Variants in SLCO6A1 observed in about 807,000 individuals in gnomAD.
The protein encoded by SLCO6A1 is solute carrier organic anion transporter family member 6A1.
A neutral mutation model predicts 72.7 loss-of-function variants in SLCO6A1; 65 were observed. That is an observed-to-expected ratio of 0.89 (90% CI 0.73 to 1.10). The LOEUF (loss-of-function observed/expected upper bound fraction) is 1.10. Ranked by LOEUF, SLCO6A1 falls within the 50% of genes least tolerant of loss-of-function variation. The pLI is 0.00. For synonymous variants in SLCO6A1, 314 were observed against 298.2 expected, an observed-to-expected ratio of 1.05 and a Z score of -0.55; for missense variants, 874 against 872.6, an observed-to-expected ratio of 1.00 and a Z score of -0.02.
chr5:102,443,035 A>C (rs1749927908), intron 6 of SLCO6A1, among the ~76,000 whole-genome samples: 1 of 152,170 alleles, frequency 6.6e-6, no homozygotes, highest in Non-Finnish European at 1.5e-5. Context: ...ATCTCTACTA[A>C]AAACACAAAA....
Position 102,475,706 on chromosome 5 carries a change from G to A in SLCO6A1, c.890C>T (p.Ser297Phe). Residue 297 changes from serine to phenylalanine, a missense_variant, in exon 4 of 14, where the codon TCT becomes TTT. Physicochemically the swap from Ser to Phe is radical, Grantham distance 155. Transcript: ENST00000506729. ...PLVKVPENTT[S>F]ATNTTVNNGS... is the part of the protein sequence containing the mutation. ...AAAAATAATGCCTTACTTTGTTGCA[G>A]AAGTAGTATTCTCAGGGACTTTAAC... The A allele has an allele frequency of 1.3e-6, 2 of 1,593,810 alleles. No homozygotes were observed. The highest frequency in any genetic ancestry group is 1.7e-6 in the Non-Finnish European group (2 of 1,170,350).
chr5:102,419,738 A>G (rs1015700081), intron 8 of SLCO6A1, 88 bp downstream of exon 8: 28 of 1,019,572 alleles, frequency 2.7e-5, no homozygotes, highest in Non-Finnish European at 3.6e-5. Flanking sequence ...TGAACATATA[A>G]GGGTTACTGG....
intron 6 of SLCO6A1, among the ~76,000 whole-genome samples, chr5:102,456,960 C>T (rs1173884423): frequency 6.6e-6 from 1 of 152,108 alleles, no homozygotes; most frequent in Non-Finnish European, 1.5e-5. Flanking sequence ...TATCTACAAC[C>T]ATCTGATCTT....
intron 6 of SLCO6A1, among the ~76,000 whole-genome samples, chr5:102,440,123 T>C (rs895271612): frequency 1.3e-5 from 2 of 152,074 alleles, no homozygotes; most frequent in Non-Finnish European, 2.9e-5. Context: ...GCAGAGGATA[T>C]GTATGGGTAT....
At chr5:102,407,194 G>A (rs575284125) in intron 9 of SLCO6A1, among the ~76,000 whole-genome samples, 41 of 152,112 alleles carry the variant, frequency 2.7e-4, no homozygotes, top group East Asian at 5.8e-4. Context: ...TTGCCATGGC[G>A]ACAGTAGTAG....
intron 3 of SLCO6A1, 91 bp from the exon 4 acceptor site, chr5:102,475,884 A>T: frequency 2.3e-6 from 2 of 870,782 alleles, no homozygotes; most frequent in Non-Finnish European, 3.6e-6. Flanking sequence ...TACTTCTGAA[A>T]GCTTTTCATA....
intron 12 of SLCO6A1, among the ~76,000 whole-genome samples, chr5:102,382,981 G>A (rs529199823): frequency 7.0e-6 from 1 of 143,114 alleles, no homozygotes; most frequent in African/African-American, 2.7e-5. Flanking sequence ...ATATATGAGA[G>A]ATATATATAT....
At chr5:102,475,195 T>C (rs758074766) in intron 4 of SLCO6A1, among the ~76,000 whole-genome samples, 7 of 152,038 alleles carry the variant, frequency 4.6e-5, no homozygotes, top group Non-Finnish European at 8.8e-5. Flanking sequence ...TTAATGTCCA[T>C]TGAAAAATGA....
At chr5:102,428,308 C>T (rs888335600) in intron 7 of SLCO6A1, among the ~76,000 whole-genome samples, 5 of 151,582 alleles carry the variant, frequency 3.3e-5, no homozygotes, top group African/African-American at 9.7e-5. Flanking sequence ...ACAAGTAATA[C>T]CAGAAAAACA....
intron 6 of SLCO6A1, among the ~76,000 whole-genome samples, chr5:102,456,842 T>A (rs1750746778): frequency 6.6e-6 from 1 of 152,090 alleles, no homozygotes; most frequent in Non-Finnish European, 1.5e-5. Context: ...ACGCTACCTG[T>A]CTTCAAAATA....
At chr5:102,489,914 T>C (rs533329185) in intron 1 of SLCO6A1, among the ~76,000 whole-genome samples, 1 of 152,302 alleles carries the variant, frequency 6.6e-6, no homozygotes, top group East Asian at 1.9e-4. Flanking sequence ...TGTTCATCCA[T>C]AAAAAAGAAT....
chr5:102,493,751 T>C (rs2112869206), intron 1 of SLCO6A1, among the ~76,000 whole-genome samples: 1 of 152,080 alleles, frequency 6.6e-6, no homozygotes, highest in African/African-American at 2.4e-5. Context: ...TCCTAAGGAG[T>C]CTGCAAAAAA....
intron 8 of SLCO6A1, among the ~76,000 whole-genome samples, chr5:102,413,777 G>T (rs978607784): frequency 3.9e-5 from 6 of 152,208 alleles, no homozygotes; most frequent in African/African-American, 1.4e-4. Flanking sequence ...ACTTGGTATG[G>T]TCTCTTTTTA....
intron 11 of SLCO6A1, 101 bp downstream of exon 11, chr5:102,390,880 G>T: frequency 1.0e-6 from 1 of 1,000,258 alleles, no homozygotes; most frequent in South Asian, 1.7e-5. Flanking sequence ...CTCGCTTTGT[G>T]TCATTTACTA....
chr5:102,477,759 C>T lies in SLCO6A1; in HGVS notation c.719G>A (p.Gly240Glu). Reference sequence around the variant, plus strand: ...GATATAAAGAGGCATTCCTGCTATTCCCTGCACAGTCTGCCCAAGGATGAA... The same window carrying T: ...GATATAAAGAGGCATTCCTGCTATTTCCTGCACAGTCTGCCCAAGGATGAA... ...SFFILGQTVQGIAGMPLYILG... is the reference protein window; with the variant it reads ...SFFILGQTVQEIAGMPLYILG... Residue 240 changes from glycine (G) to glutamate (E), a missense_variant, in exon 3 of 14, where the codon GGA becomes GAA. By Grantham distance (98) the Gly-to-Glu change is moderately conservative. Transcript: ENST00000506729. 2 of 1,613,732 alleles carry T rather than the reference C, an allele frequency of 1.2e-6. No homozygotes were observed. The highest frequency in any genetic ancestry group is 2.2e-5 in the East Asian group (1 of 44,858).
rs112459569 is a variant in SLCO6A1 at position 102,375,409 on chromosome 5, A to T, written c.2018-1915T>A. 2.1e-3 allele frequency among the ~76,000 whole-genome samples: 313 copies of T among 152,322 alleles called. 2 individuals carry two copies. Among genetic ancestry groups the T allele is most frequent in the African/African-American group, 7.2e-3 (298 of 41,578 alleles). On this transcript the variant is annotated intron_variant, in intron 12 of 13. Transcript: ENST00000506729. ...ATTAACTTACCCTCCACTTAGGTAG[A>T]ATAACAGAAGAAGGAAAATGTCTGT...
Position 102,371,953 on chromosome 5 carries a change from A to C in SLCO6A1, c.*186T>G, listed in dbSNP as rs1489919145. ...AAAAACATTATCAGAAATGTTTCAC[A>C]ATAGGACACTTTATTATGAAAATGC... On this transcript the variant is annotated 3_prime_UTR_variant, in exon 14 of 14. Coordinates refer to ENST00000506729, the MANE Select transcript of SLCO6A1 (RefSeq NM_173488.5). 3 of 152,076 alleles carry C rather than the reference A, an allele frequency of 2.0e-5. No individual in the cohort carries two copies. Among genetic ancestry groups the C allele is most frequent in the African/African-American group, 7.2e-5 (3 of 41,458 alleles). 9.4% of individuals were successfully genotyped at this position (152,076 alleles called of 1,614,324 possible).
At chr5:102,384,787 C>T (rs1472931166) in intron 12 of SLCO6A1, among the ~76,000 whole-genome samples, 2 of 152,024 alleles carry the variant, frequency 1.3e-5, no homozygotes, top group East Asian at 1.9e-4. Flanking sequence ...TATTTGACCA[C>T]GTATTTACTT....
chr5:102,455,767 T>C (rs1167198024), intron 6 of SLCO6A1, among the ~76,000 whole-genome samples: 2 of 152,180 alleles, frequency 1.3e-5, no homozygotes, highest in African/African-American at 4.8e-5. Context: ...ACTAGTCAAG[T>C]TATTGGCAAA....
Sources: gnomAD v4.1 joint callset for allele counts (sites outside exome capture counted in the v4.1 genomes callset) on GRCh38, gnomAD v4.1.1 for gene constraint, MANE v1.5 for transcripts, NCBI Gene and HGNC (gene_info 2026-07-23, HGNC 2026-07-21) for gene names.